The following STK24 variants were observed in gnomAD, a reference collection of about 807,000 sequenced individuals.
STK24 encodes the protein serine/threonine kinase 24.
In STK24, 21 loss-of-function variants were observed where a neutral mutation model predicts 55.6. The observed-to-expected ratio is 0.38, with a 90% confidence interval of 0.27 to 0.54. The LOEUF (loss-of-function observed/expected upper bound fraction) is 0.54. Ranked by LOEUF, STK24 falls within the 20% of genes least tolerant of loss-of-function variation. The pLI is 0.79. For missense variants in STK24, 383 were observed against 538.4 expected (o/e 0.71, Z 2.86); for synonymous variants, 200 against 215.2 (o/e 0.93, Z 0.62).
intron 2 of STK24, among the ~76,000 whole-genome samples, chr13:98,508,619 CA>C (rs1895776699): frequency 6.6e-6 from 1 of 152,038 alleles, no homozygotes; most frequent in African/African-American, 2.4e-5. Context: ...GTGGGAGGAA[CA>C]GGGGGTATTT....
chr13:98,486,979 A>C (rs149518988), intron 2 of STK24, among the ~76,000 whole-genome samples: 72 of 152,356 alleles, frequency 4.7e-4, no homozygotes, highest in African/African-American at 1.6e-3. Flanking sequence ...GGCAAAATTC[A>C]TGGTGCTCAA....
At chr13:98,470,314 C>G (rs1440028673) in intron 5 of STK24, among the ~76,000 whole-genome samples, 2 of 100,912 alleles carry the variant, frequency 2.0e-5, no homozygotes, top group East Asian at 5.4e-4. Context: ...GTCGGGGGGG[C>G]AAGGGGGGGT....
chr13:98,446,840 C>G lies in STK24; in HGVS notation c.*6333G>C. ...AAGGTAGACACCCCCTTCCCACGCA[C>G]AGGGCCCTGCAGAAGAGGACCCCCT... On this transcript the variant is annotated 3_prime_UTR_variant, in exon 11 of 11. Transcript: ENST00000539966. 3 of 1,612,748 alleles carry G rather than the reference C, an allele frequency of 1.9e-6. No homozygotes were observed. Among genetic ancestry groups the G allele is most frequent in the Non-Finnish European group, 2.5e-6 (3 of 1,179,032 alleles).
chr13:98,544,257 A>C (rs1016092181), intron 1 of STK24, among the ~76,000 whole-genome samples: 4 of 152,190 alleles, frequency 2.6e-5, no homozygotes, highest in African/African-American at 9.6e-5. Context: ...AGGCCAGCAC[A>C]GGGGCAGGAG....
At chr13:98,552,393 A>C (rs1897179050) in intron 1 of STK24, among the ~76,000 whole-genome samples, 1 of 152,150 alleles carries the variant, frequency 6.6e-6, no homozygotes, top group East Asian at 1.9e-4. Context: ...CTGGGGACAC[A>C]AGTGGCTACG....
At chr13:98,465,643 A>T (rs1893901181) in intron 6 of STK24, among the ~76,000 whole-genome samples, 1 of 152,276 alleles carries the variant, frequency 6.6e-6, no homozygotes, top group African/African-American at 2.4e-5. Flanking sequence ...CTGGCATATT[A>T]GGAAACCATG....
At chr13:98,546,933 TG>T in intron 1 of STK24, among the ~76,000 whole-genome samples, 1 of 152,168 alleles carries the variant, frequency 6.6e-6, no homozygotes. Context: ...GTTTTTGAGA[TG>T]GAGTTTCACT....
chr13:98,544,116 A>G (rs549010188), intron 1 of STK24, among the ~76,000 whole-genome samples: 1 of 152,308 alleles, frequency 6.6e-6, no homozygotes, highest in South Asian at 2.1e-4. Flanking sequence ...AAGGAGAGTG[A>G]GAAGAAAAGT....
chr13:98,479,998 C>A (rs150283532), intron 3 of STK24, among the ~76,000 whole-genome samples: 74 of 152,278 alleles, frequency 4.9e-4, no homozygotes, highest in African/African-American at 1.8e-3. Context: ...ACCCTTCAAC[C>A]CTGAAGGTCT....
At position 98,456,854 on chromosome 13, in the gene STK24, A is replaced by T. The variant is rs567686175; in HGVS notation, c.1259+314T>A. On this transcript the variant is annotated intron_variant, in intron 10 of 10. Coordinates refer to ENST00000539966, the MANE Select transcript of STK24 (RefSeq NM_001032296.4). ...TACACACATCTGGCTAAGAACGATC[A>T]TTCTCTGGCCAATAATTAAGCTGCA... 1.1e-4 allele frequency: 50 copies of T among 464,580 alleles called. No individual in the cohort carries two copies. The East Asian group carries it at 2.0e-3, about 19-fold the overall frequency. The allele number at this position is 464,580 out of a possible 1,614,324, so 28.8% of individuals were successfully genotyped here.
intron 1 of STK24, among the ~76,000 whole-genome samples, chr13:98,566,112 C>T (rs2139459078): frequency 1.3e-5 from 2 of 152,330 alleles, no homozygotes; most frequent in African/African-American, 4.8e-5. Context: ...GCCCACCTTG[C>T]TGTGCCAGGC....
chr13:98,540,983 CCCCAAACCT>C (rs1406221345), intron 1 of STK24, among the ~76,000 whole-genome samples: 1 of 152,084 alleles, frequency 6.6e-6, no homozygotes, highest in Admixed American at 6.5e-5. Flanking sequence ...TGAAGGAACT[CCCCAAACCT>C]CTGTGATTTA....
At chr13:98,460,230 G>A in intron 9 of STK24, 142 bp downstream of exon 9, 1 of 726,220 alleles carries the variant, frequency 1.4e-6, no homozygotes, top group African/African-American at 1.8e-5. Context: ...CAGCCTTTGG[G>A]AAGGCACCAT....
chr13:98,525,289 G>T (rs1896393275), intron 1 of STK24, among the ~76,000 whole-genome samples: 1 of 152,238 alleles, frequency 6.6e-6, no homozygotes, highest in Non-Finnish European at 1.5e-5. Context: ...ACCGGCTATG[G>T]CCTCAGATTG....
chr13:98,516,371 C>T (rs775795653), intron 2 of STK24, among the ~76,000 whole-genome samples: 1 of 152,238 alleles, frequency 6.6e-6, no homozygotes. Flanking sequence ...AAAGTATCAA[C>T]ACTTTTCAAC....
At chr13:98,474,684 G>GTC in intron 5 of STK24, 137 bp downstream of exon 5, 5 of 1,120,812 alleles carry the variant, frequency 4.5e-6, no homozygotes, top group Non-Finnish European at 6.3e-6. Flanking sequence ...TCATAACCAA[G>GTC]GTTGAAGAAT....
At chr13:98,538,515 G>A (rs1380512693) in intron 1 of STK24, among the ~76,000 whole-genome samples, 4 of 151,954 alleles carry the variant, frequency 2.6e-5, no homozygotes, top group Admixed American at 6.5e-5. Flanking sequence ...ATGAGCCACC[G>A]CGGCTTGGTG....
intron 2 of STK24, among the ~76,000 whole-genome samples, chr13:98,504,774 T>C (rs1303171168): frequency 1.3e-5 from 2 of 152,242 alleles, no homozygotes; most frequent in Non-Finnish European, 1.5e-5. Context: ...CTGAGGTCGC[T>C]GATCCCTACC....
intron 1 of STK24, among the ~76,000 whole-genome samples, chr13:98,573,100 G>C (rs1897785137): frequency 6.6e-6 from 1 of 152,270 alleles, no homozygotes; most frequent in South Asian, 2.1e-4. Flanking sequence ...TCCAAAATTC[G>C]AAACACTTGT....
Sources: gnomAD v4.1 joint callset for allele counts (sites outside exome capture counted in the v4.1 genomes callset) on GRCh38, gnomAD v4.1.1 for gene constraint, MANE v1.5 for transcripts, NCBI Gene and HGNC (gene_info 2026-07-23, HGNC 2026-07-21) for gene names.